OR2L13: variants seen among roughly 807,000 people sequenced by gnomAD.
OR2L13 encodes the protein olfactory receptor family 2 subfamily L member 13.
Under a neutral mutation model 15.3 loss-of-function variants are expected in OR2L13, and 14 were observed. That is an observed-to-expected ratio of 0.91 (90% CI 0.60 to 1.43). The LOEUF is 1.43. Ranked by LOEUF, OR2L13 falls within the 40% of genes most tolerant of loss-of-function variation. The probability of loss-of-function intolerance (pLI) is 0.00; values close to 1 mark genes in which losing one functional copy is unlikely to be tolerated. For synonymous variants in OR2L13, 152 were observed against 142.9 expected (o/e 1.06, Z -0.45); for missense variants, 367 against 387.9 (o/e 0.95, Z 0.45).
At chr1:247,943,276 G>C in the OR2L13 span, among the ~76,000 whole-genome samples, 1 of 152,114 alleles carries the variant, frequency 6.6e-6, no homozygotes, top group African/African-American at 2.4e-5. Context: ...GACTCCAAAA[G>C]AGGAGAGTGA....
upstream of OR2L13, chr1:248,097,258 T>C (rs1447636265): frequency 2.0e-5 from 3 of 152,196 alleles, no homozygotes; most frequent in Admixed American, 6.5e-5. Context: ...AATTTTGCCT[T>C]AGTGTCGTTC....
the OR2L13 span, among the ~76,000 whole-genome samples, chr1:248,010,780 T>TTTTTTTTG: frequency 7.2e-6 from 1 of 138,652 alleles, no homozygotes; most frequent in African/African-American, 2.7e-5. Context: ...TTTTTTTTTT[T>TTTTTTTTG]TTTTTTTGCT....
chr1:248,010,603 G>T, the OR2L13 span, among the ~76,000 whole-genome samples: 1 of 151,844 alleles, frequency 6.6e-6, no homozygotes, highest in South Asian at 2.1e-4. Flanking sequence ...ATGAATCTGG[G>T]TGCTCCTGTA....
chr1:248,046,566 T>C, the OR2L13 span, among the ~76,000 whole-genome samples: 7 of 152,186 alleles, frequency 4.6e-5, no homozygotes, highest in African/African-American at 1.7e-4. Flanking sequence ...AAATACATGA[T>C]CAGAACTCAT....
chr1:248,038,501 A>G, the OR2L13 span: 5 of 1,613,878 alleles, frequency 3.1e-6, no homozygotes, highest in African/African-American at 6.7e-5. Flanking sequence ...CCATTGTTCC[A>G]AAGATGGTTT....
the OR2L13 span, among the ~76,000 whole-genome samples, chr1:248,013,419 C>G: frequency 6.6e-6 from 1 of 152,138 alleles, no homozygotes; most frequent in Non-Finnish European, 1.5e-5. Flanking sequence ...CATTTCTGAA[C>G]CTTGGACTAA....
upstream of OR2L13, among the ~76,000 whole-genome samples, chr1:248,094,483 A>G (rs1347609173): frequency 6.6e-6 from 1 of 152,160 alleles, no homozygotes; most frequent in Non-Finnish European, 1.5e-5. Flanking sequence ...TGTCCCTCAA[A>G]TTAGTCCAGT....
At chr1:248,018,241 G>A in the OR2L13 span, among the ~76,000 whole-genome samples, 1 of 151,976 alleles carries the variant, frequency 6.6e-6, no homozygotes, top group Admixed American at 6.5e-5. Flanking sequence ...GATCTGATGT[G>A]CCGTCTATTA....
At chr1:248,054,138 G>A in the OR2L13 span, among the ~76,000 whole-genome samples, 82 of 152,230 alleles carry the variant, frequency 5.4e-4, no homozygotes, top group Non-Finnish European at 6.5e-4. Flanking sequence ...TTTTGTGTAA[G>A]GTGTAAGGAA....
At chr1:248,065,546 C>T in the OR2L13 span, among the ~76,000 whole-genome samples, 7 of 151,248 alleles carry the variant, frequency 4.6e-5, no homozygotes, top group East Asian at 3.9e-4. Flanking sequence ...AACTCGTCAT[C>T]TAGCATTAGG....
the OR2L13 span, among the ~76,000 whole-genome samples, chr1:248,068,961 A>G: frequency 1.2e-4 from 18 of 152,330 alleles, no homozygotes; most frequent in African/African-American, 4.3e-4. Context: ...CCTCCAAGAA[A>G]TATGGGACTA....
At chr1:248,091,652 T>C (rs1664600243), upstream of OR2L13, among the ~76,000 whole-genome samples, 1 of 152,174 alleles carries the variant, frequency 6.6e-6, no homozygotes, top group African/African-American at 2.4e-5. Flanking sequence ...CATCTGTCAT[T>C]GTACCATTAA....
At chr1:248,047,376 A>G in the OR2L13 span, among the ~76,000 whole-genome samples, 1 of 152,194 alleles carries the variant, frequency 6.6e-6, no homozygotes, top group African/African-American at 2.4e-5. Context: ...AATGCCTGGA[A>G]AGTATTAGTG....
the OR2L13 span, among the ~76,000 whole-genome samples, chr1:247,988,002 C>T: frequency 7.9e-5 from 12 of 152,076 alleles, no homozygotes; most frequent in South Asian, 2.5e-3. Context: ...AATATTTTAT[C>T]TCTAGATAAT....
chr1:248,051,743 A>C, the OR2L13 span, among the ~76,000 whole-genome samples: 1 of 151,860 alleles, frequency 6.6e-6, no homozygotes, highest in Non-Finnish European at 1.5e-5. Flanking sequence ...AAAATCCAAA[A>C]ATGTCTGTTC....
chr1:247,966,142 C>G, the OR2L13 span: 2 of 1,614,180 alleles, frequency 1.2e-6, no homozygotes, highest in Non-Finnish European at 1.7e-6. Flanking sequence ...TGCAACCACT[C>G]TCTTTACCTA....
At chr1:247,948,896 A>T in the OR2L13 span, 4 of 1,612,778 alleles carry the variant, frequency 2.5e-6, no homozygotes, top group Non-Finnish European at 3.4e-6. Context: ...ATTTCATCTT[A>T]TTGGGGCTGT....
At chr1:248,067,777 G>A in the OR2L13 span, among the ~76,000 whole-genome samples, 465 of 152,280 alleles carry the variant, frequency 3.1e-3, 2 homozygotes, top group Non-Finnish European at 5.8e-3. Context: ...CTGGAAAATC[G>A]GGCCACTCCC....
chr1:248,086,003 T>C, the OR2L13 span, among the ~76,000 whole-genome samples: 7 of 150,270 alleles, frequency 4.7e-5, no homozygotes, highest in Non-Finnish European at 1.5e-5. Flanking sequence ...CAGTCTAGCA[T>C]TGAACTTTCT....
Sources: gnomAD v4.1 joint callset for allele counts (sites outside exome capture counted in the v4.1 genomes callset) on GRCh38, gnomAD v4.1.1 for gene constraint, MANE v1.5 for transcripts, NCBI Gene and HGNC (gene_info 2026-07-23, HGNC 2026-07-21) for gene names.